The following CPM variants were observed in gnomAD, a reference collection of about 807,000 sequenced individuals.
CPM encodes the protein carboxypeptidase M.
CPM carries 35 observed loss-of-function variants against 46.4 expected under a neutral mutation model. The observed-to-expected ratio is 0.75, with a 90% CI of 0.58 to 1.00. The LOEUF is 1.00. CPM is among the 50% of genes least tolerant of loss of function. CPM has a pLI of 0.00. For missense variants in CPM, 422 were observed against 530.4 expected (o/e 0.80, Z 2.01); for synonymous variants, 195 against 195.3 (o/e 1.00, Z 0.01).
At chr12:68,847,196 T>TTATATATATATATATATATATATATATA (rs59862219), downstream of CPM, 2,445 of 90,738 alleles carry the variant, frequency 0.027, 189 homozygotes, top group Non-Finnish European at 0.034. Flanking sequence ...TGTGTGTACA[T>TTATATATATATATATATATATATATATA]TATATATATA....
intron 3 of CPM, among the ~76,000 whole-genome samples, chr12:68,879,527 C>A (rs1886097610): frequency 1.3e-5 from 2 of 152,100 alleles, no homozygotes; most frequent in South Asian, 2.1e-4. Context: ...CCCCACCTAG[C>A]TAATTTTTAA....
intron 1 of CPM, among the ~76,000 whole-genome samples, chr12:68,953,448 C>A (rs1213978083): frequency 1.3e-5 from 2 of 152,146 alleles, no homozygotes; most frequent in African/African-American, 4.8e-5. Flanking sequence ...GTCCTATATC[C>A]CTGTATTTAT....
chr12:68,852,422 A>G lies in CPM; in HGVS notation c.*4015T>C, dbSNP rs1246829550. On this transcript the variant is annotated 3_prime_UTR_variant, in exon 9 of 9. Coordinates refer to ENST00000551568, the MANE Select transcript of CPM (RefSeq NM_198320.5). ...TCCTCCACCTGAACAAGCACCAAAA[A>G]TGTAGCATCTCTTACCAGTCACAGA... 1.3e-5 allele frequency: 2 copies of G among 152,126 alleles called. No individual in the cohort carries two copies. The highest frequency in any genetic ancestry group is 2.9e-5 in the Non-Finnish European group (2 of 68,034). 9.4% of individuals were successfully genotyped at this position (152,126 alleles called of 1,614,324 possible). A position where few individuals can be genotyped will look rare whatever the true frequency, so the allele number is the denominator to read the frequency against.
chr12:68,903,109 G>C (rs1474785644), intron 2 of CPM, among the ~76,000 whole-genome samples: 3 of 152,172 alleles, frequency 2.0e-5, no homozygotes, highest in Admixed American at 6.5e-5. Flanking sequence ...AACAAACGTT[G>C]TTAACAAAGT....
At chr12:68,907,179 TA>T (rs1285835301) in intron 2 of CPM, among the ~76,000 whole-genome samples, 1 of 152,174 alleles carries the variant, frequency 6.6e-6, no homozygotes, top group Admixed American at 6.5e-5. Context: ...TGATAACCAG[TA>T]AGGTGTCATA....
intron 5 of CPM, chr12:68,844,790 G>A (rs148584832): frequency 1.2e-3 from 231 of 200,418 alleles, no homozygotes; most frequent in African/African-American, 5.0e-3. Context: ...TTTTTGAGAC[G>A]GAGTCTTGCT....
rs1467846892 is a variant in CPM, at chr12:68,913,704, G to T, written c.160+18974C>A. On this transcript the variant is annotated intron_variant, in intron 2 of 8. Coordinates refer to ENST00000551568, the MANE Select transcript of CPM (RefSeq NM_198320.5). ...ACATCCTCGGTTTATTCTTGCAAAG[G>T]TTCCTGGTCAATGTGGCAGACTTCA... 8.3e-6 allele frequency: 3 copies of T among 362,158 alleles called. No individual in the cohort carries two copies. In the Admixed American group the frequency reaches 1.1e-4, roughly 13 times the overall value. 22.4% of individuals were successfully genotyped at this position (362,158 alleles called of 1,614,324 possible).
chr12:68,903,172 T>C (rs1402040087), intron 2 of CPM, among the ~76,000 whole-genome samples: 1 of 152,230 alleles, frequency 6.6e-6, no homozygotes, highest in African/African-American at 2.4e-5. Context: ...TGAACCTATT[T>C]TGGGAATTGC....
At chr12:68,943,956 G>A (rs1888803545) in intron 1 of CPM, among the ~76,000 whole-genome samples, 1 of 152,130 alleles carries the variant, frequency 6.6e-6, no homozygotes, top group South Asian at 2.1e-4. Flanking sequence ...AAGGCAGGGG[G>A]AGTGTGGGAA....
chr12:68,856,490 T>G lies in CPM; in HGVS notation c.1279A>C (p.Lys427Gln). 1 of 1,614,172 alleles carries G rather than the reference T, an allele frequency of 6.2e-7. No homozygotes were observed. Among genetic ancestry groups the G allele is most frequent in the Non-Finnish European group, 8.5e-7 (1 of 1,179,998 alleles). The change falls in exon 9 of 9, where the codon AAG (lysine) becomes CAG (glutamine). Residue 427 changes from lysine to glutamine, a missense_variant. Transcript: ENST00000551568. Reference sequence around the variant, plus strand: ...ACTAAAAATAAGAACAAACTAGGCTTTGTTGCAGCTGAGTGGTCTGGCAAA... The same window carrying G: ...ACTAAAAATAAGAACAAACTAGGCTGTGTTGCAGCTGAGTGGTCTGGCAAA... ...RNLPDHSAAT[K>Q]PSLFLFLVSL... is the part of the protein sequence containing the mutation.
At position 68,867,114 on chromosome 12, in the gene CPM, C is replaced by G. The variant is rs1426811938; in HGVS notation, c.788-66G>C. The G allele has an allele frequency of 2.0e-6, 3 of 1,509,090 alleles. No individual in the cohort carries two copies. The South Asian group carries it at 3.5e-5, about 17-fold the overall frequency. The allele number at this position is 1,509,090 out of a possible 1,614,324, so 93.5% of individuals were successfully genotyped here. On this transcript the variant is annotated intron_variant, in intron 6 of 8. Transcript: ENST00000551568. ...TGGAGTGGAGCCAAGTATCACGTGC[C>G]TCGGGGACAAATGAATCAGACAGCT...
At chr12:68,939,467 C>T (rs982899863) in intron 1 of CPM, among the ~76,000 whole-genome samples, 1 of 151,468 alleles carries the variant, frequency 6.6e-6, no homozygotes, top group Non-Finnish European at 1.5e-5. Flanking sequence ...TGATTAATGT[C>T]TTACAGGGTG....
At chr12:68,951,418 A>T (rs974440683) in intron 1 of CPM, among the ~76,000 whole-genome samples, 1 of 152,118 alleles carries the variant, frequency 6.6e-6, no homozygotes. Context: ...TATTCCTACA[A>T]GGAAAAGAAG....
chr12:68,952,370 A>C (rs905390929), intron 1 of CPM, among the ~76,000 whole-genome samples: 6 of 152,182 alleles, frequency 3.9e-5, no homozygotes, highest in African/African-American at 1.4e-4. Context: ...GAGAAAGAGA[A>C]GTTTAAAGCC....
chr12:68,954,746 T>G (rs1231122105), intron 1 of CPM, among the ~76,000 whole-genome samples: 1 of 152,226 alleles, frequency 6.6e-6, no homozygotes, highest in Non-Finnish European at 1.5e-5. Context: ...AAAGCAATTT[T>G]TTTTTAGCTT....
At chr12:68,889,039 T>A (rs753023897) in intron 2 of CPM, among the ~76,000 whole-genome samples, 6 of 152,210 alleles carry the variant, frequency 3.9e-5, no homozygotes, top group Non-Finnish European at 8.8e-5. Context: ...CCTGGGATCC[T>A]TGTAAAAGTG....
chr12:68,896,561 C>T (rs1039613983), intron 2 of CPM, among the ~76,000 whole-genome samples: 51 of 152,212 alleles, frequency 3.4e-4, no homozygotes, highest in African/African-American at 1.1e-3. Flanking sequence ...AAACTGTTTT[C>T]CAGTATTGAT....
intron 2 of CPM, among the ~76,000 whole-genome samples, chr12:68,894,932 G>C (rs1190435316): frequency 6.6e-6 from 1 of 151,326 alleles, no homozygotes; most frequent in Non-Finnish European, 1.5e-5. Flanking sequence ...GGGAGGCTGA[G>C]GCATGAGAAT....
intron 7 of CPM, among the ~76,000 whole-genome samples, chr12:68,862,772 G>A (rs1004833082): frequency 2.0e-5 from 3 of 151,392 alleles, no homozygotes; most frequent in Middle Eastern, 3.4e-3. Context: ...CAGAAAATGT[G>A]ATTTATTTCT....
Sources: allele counts gnomAD v4.1 joint callset (sites outside exome capture counted in the v4.1 genomes callset), GRCh38; gene constraint gnomAD v4.1.1; transcripts MANE v1.5; gene names NCBI Gene and HGNC (gene_info 2026-07-23, HGNC 2026-07-21).